The following GAB2 variants were observed in gnomAD, a reference collection of about 807,000 sequenced individuals.
GAB2 encodes GRB2 associated binding protein 2.
In GAB2, 26 loss-of-function variants were observed where a neutral mutation model predicts 65.5. The ratio of observed to expected loss-of-function variants is 0.40; its 90% confidence interval spans 0.29 to 0.55. The LOEUF is 0.55. Among genes scored for constraint, GAB2 ranks in the 20% least tolerant of loss-of-function variants. The pLI, the probability that GAB2 is intolerant of heterozygous loss-of-function variation, is 0.53. For missense variants in GAB2, 884 were observed against 875.8 expected (o/e 1.01, Z -0.12); for synonymous variants, 321 against 329.6 (o/e 0.97, Z 0.28).
intron 1 of GAB2, among the ~76,000 whole-genome samples, chr11:78,365,303 A>T (rs1459866170): frequency 1.3e-5 from 2 of 152,236 alleles, no homozygotes; most frequent in Non-Finnish European, 2.9e-5. Flanking sequence ...TCCCACTAGG[A>T]AAATGAAGTC....
intron 1 of GAB2, among the ~76,000 whole-genome samples, chr11:78,317,529 C>T (rs1024255445): frequency 6.9e-5 from 9 of 130,266 alleles, no homozygotes; most frequent in African/African-American, 2.7e-4. Context: ...CACTGCACTC[C>T]AGCCTGGCAA....
intron 1 of GAB2, among the ~76,000 whole-genome samples, chr11:78,370,085 G>A (rs1017749810): frequency 3.1e-4 from 47 of 151,410 alleles, no homozygotes; most frequent in African/African-American, 1.2e-4. Context: ...GTGAAACCCC[G>A]TCTCTACTAA....
At chr11:78,277,830 G>A (rs935945972) in intron 2 of GAB2, among the ~76,000 whole-genome samples, 1 of 152,184 alleles carries the variant, frequency 6.6e-6, no homozygotes, top group Non-Finnish European at 1.5e-5. Context: ...TGCCCGCTTG[G>A]CCCTCTTCCA....
intron 3 of GAB2, among the ~76,000 whole-genome samples, chr11:78,249,633 C>T (rs1034098598): frequency 6.6e-6 from 1 of 152,204 alleles, no homozygotes; most frequent in Non-Finnish European, 1.5e-5. Flanking sequence ...AGCCCCTAGA[C>T]ATATGTGTCT....
At chr11:78,329,462 C>A (rs548486144) in intron 1 of GAB2, among the ~76,000 whole-genome samples, 1 of 152,196 alleles carries the variant, frequency 6.6e-6, no homozygotes, top group South Asian at 2.1e-4. Context: ...CTCTGTATCC[C>A]CCTACTAGAC....
At chr11:78,325,160 G>A (rs1855800674) in intron 1 of GAB2, among the ~76,000 whole-genome samples, 1 of 152,180 alleles carries the variant, frequency 6.6e-6, no homozygotes, top group Admixed American at 6.5e-5. Context: ...TCCCATCCAA[G>A]TTCTATCTAC....
intron 1 of GAB2, among the ~76,000 whole-genome samples, chr11:78,339,488 T>C (rs1191972638): frequency 6.6e-6 from 1 of 152,250 alleles, no homozygotes; most frequent in Non-Finnish European, 1.5e-5. Context: ...GAGCCGCTTA[T>C]GCCCTACAAT....
At chr11:78,275,529 A>G (rs544974000) in intron 2 of GAB2, among the ~76,000 whole-genome samples, 5 of 152,294 alleles carry the variant, frequency 3.3e-5, no homozygotes, top group Admixed American at 6.5e-5. Context: ...CTAAATTAAA[A>G]CATAACCCAT....
rs187653329 is a variant in GAB2 at position 78,224,222 on chromosome 11, T to C, written c.1303-546A>G. 5.3e-5 allele frequency among the ~76,000 whole-genome samples: 8 copies of C among 152,364 alleles called. No individual in the cohort carries two copies. In the East Asian group the frequency reaches 9.6e-4, roughly 18 times the overall value. The stretch of plus-strand genomic sequence containing the variant: ...TAGAGTATAAAATATTCTTGGTGAC[T>C]GGGTCCACTTGGCTTTCTGGACGCC... On this transcript the variant is annotated intron_variant, in intron 5 of 9. Coordinates refer to ENST00000361507, the MANE Select transcript of GAB2 (RefSeq NM_080491.3).
intron 1 of GAB2, among the ~76,000 whole-genome samples, chr11:78,323,296 G>A (rs1038479707): frequency 1.3e-5 from 2 of 152,118 alleles, no homozygotes; most frequent in African/African-American, 4.8e-5. Flanking sequence ...GATCACCTGA[G>A]GTCAGGAGTT....
At chr11:78,219,691 T>TG (rs1864322773) in intron 9 of GAB2, among the ~76,000 whole-genome samples, 2 of 152,158 alleles carry the variant, frequency 1.3e-5, no homozygotes, top group Admixed American at 1.3e-4. Flanking sequence ...TCCTTGGCCC[T>TG]GGTGGATGGG....
chr11:78,249,296 A>G (rs1219229831), intron 3 of GAB2, among the ~76,000 whole-genome samples: 2 of 152,240 alleles, frequency 1.3e-5, no homozygotes, highest in Admixed American at 6.5e-5. Context: ...CAAGGACAAA[A>G]TCAAGTAATA....
intron 1 of GAB2, among the ~76,000 whole-genome samples, chr11:78,356,604 A>G (rs1856362807): frequency 6.6e-6 from 1 of 152,242 alleles, no homozygotes; most frequent in Non-Finnish European, 1.5e-5. Flanking sequence ...AAGTTAGCCT[A>G]GATACCATGA....
In GAB2 at chr11:78,296,106, C is replaced by T. The variant is rs899478004; in HGVS notation, c.76-15205G>A. On this transcript the variant is annotated intron_variant, in intron 1 of 9. Coordinates refer to ENST00000361507, the MANE Select transcript of GAB2 (RefSeq NM_080491.3). The stretch of plus-strand genomic sequence containing the variant: ...CATGTGCAGTTCACAATAGAGTTTA[C>T]TCTTCTATGAGAATCTGATGTCACC... 3.3e-5 allele frequency among the ~76,000 whole-genome samples: 5 copies of T among 152,270 alleles called. No individual in the cohort carries two copies. The East Asian group carries it at 7.7e-4, about 24-fold the overall frequency.
chr11:78,344,911 T>A (rs1328455405), intron 1 of GAB2, among the ~76,000 whole-genome samples: 1 of 152,092 alleles, frequency 6.6e-6, no homozygotes, highest in Non-Finnish European at 1.5e-5. Context: ...AATGAGTGAG[T>A]CACACTGCAG....
At chr11:78,331,821 C>T in intron 1 of GAB2, among the ~76,000 whole-genome samples, 1 of 152,136 alleles carries the variant, frequency 6.6e-6, no homozygotes, top group East Asian at 1.9e-4. Context: ...AAACCAGTGG[C>T]TGCCACCACA....
At position 78,223,677 on chromosome 11, in the gene GAB2, C is replaced by A; in HGVS notation, c.1303-1G>T. 6.3e-7 allele frequency: 1 copy of A among 1,590,668 alleles called. No homozygotes were observed. The highest frequency in any genetic ancestry group is 8.6e-7 in the Non-Finnish European group (1 of 1,167,226). The stretch of plus-strand genomic sequence containing the variant: ...ATCGGCCCACAATCATTTTCCCTGG[C>A]TAGGGAGAGGAACAGTGAAAGAAAT... On this transcript the variant is annotated splice_acceptor_variant, in intron 5 of 9. Transcript: ENST00000361507. LOFTEE classifies it high-confidence loss of function.
chr11:78,260,508 G>A (rs541618488), intron 2 of GAB2, among the ~76,000 whole-genome samples: 1 of 143,870 alleles, frequency 7.0e-6, no homozygotes, highest in African/African-American at 2.6e-5. Context: ...TCTTGCTCTT[G>A]TCTCCCAGGC....
intron 2 of GAB2, among the ~76,000 whole-genome samples, chr11:78,264,925 C>A (rs1307150097): frequency 6.6e-6 from 1 of 152,114 alleles, no homozygotes; most frequent in African/African-American, 2.4e-5. Flanking sequence ...GTGAAGATCA[C>A]AGAGAAGGCA....
Sources: allele counts gnomAD v4.1 joint callset (sites outside exome capture counted in the v4.1 genomes callset), GRCh38; gene constraint gnomAD v4.1.1; transcripts MANE v1.5; gene names NCBI Gene and HGNC (gene_info 2026-07-23, HGNC 2026-07-21).